TUSC3: variants seen among roughly 807,000 people sequenced by gnomAD.
TUSC3 encodes tumor suppressor candidate 3.
In TUSC3, 45 loss-of-function variants were observed where a neutral mutation model predicts 44.8. The observed-to-expected ratio is 1.00, with a 90% confidence interval of 0.79 to 1.29. TUSC3 has a LOEUF of 1.29. Among genes scored for constraint, TUSC3 ranks in the 50% most tolerant of loss-of-function variants. The pLI, the probability that TUSC3 is intolerant of heterozygous loss-of-function variation, is 0.00. For missense variants in TUSC3, 519 were observed against 437.9 expected (o/e 1.19, Z -1.65); for synonymous variants, 212 against 152.9 (o/e 1.39, Z -2.85).
chr8:15,843,680 T>C, the TUSC3 span, among the ~76,000 whole-genome samples: 176 of 151,590 alleles, frequency 1.2e-3, 1 homozygote, highest in African/African-American at 4.1e-3. Flanking sequence ...TATCTATATC[T>C]ATATGGTGTA....
chr8:15,650,897 C>G (rs1167993328), intron 3 of TUSC3, 83 bp downstream of exon 3: 1 of 1,413,920 alleles, frequency 7.1e-7, no homozygotes, highest in Non-Finnish European at 9.9e-7. Flanking sequence ...AAATACAATT[C>G]ATTCATCGTC....
At chr8:15,794,455 T>C in the TUSC3 span, among the ~76,000 whole-genome samples, 9 of 152,194 alleles carry the variant, frequency 5.9e-5, 1 homozygote, top group South Asian at 4.1e-4. Context: ...CTGGAACTTA[T>C]TGTCAAGTAC....
intron 1 of TUSC3, among the ~76,000 whole-genome samples, chr8:15,449,534 A>T (rs1024590547): frequency 1.3e-5 from 2 of 152,092 alleles, no homozygotes; most frequent in South Asian, 4.1e-4. Context: ...AGTTGGTTAA[A>T]ATCAGTGGTG....
chr8:15,775,662 A>G, the TUSC3 span, among the ~76,000 whole-genome samples: 12 of 146,524 alleles, frequency 8.2e-5, no homozygotes, highest in African/African-American at 3.0e-4. Context: ...ACACACATAT[A>G]CATATATACA....
chr8:15,611,164 AT>A (rs1201492368), intron 1 of TUSC3, among the ~76,000 whole-genome samples: 1 of 152,112 alleles, frequency 6.6e-6, no homozygotes, highest in African/African-American at 2.4e-5. Flanking sequence ...TGTATCAAAT[AT>A]TTCAAAGAAC....
chr8:15,720,853 C>T (rs955945180), intron 6 of TUSC3, among the ~76,000 whole-genome samples: 1 of 151,990 alleles, frequency 6.6e-6, no homozygotes, highest in Non-Finnish European at 1.5e-5. Context: ...AGATAATGAT[C>T]GAAGGGCAAT....
chr8:15,458,840 A>G (rs1199280270), intron 1 of TUSC3, among the ~76,000 whole-genome samples: 2 of 152,182 alleles, frequency 1.3e-5, no homozygotes, highest in Non-Finnish European at 2.9e-5. Flanking sequence ...GTTATATTGA[A>G]AAAGCTGTCT....
At chr8:15,679,771 T>C (rs1020800436) in intron 6 of TUSC3, among the ~76,000 whole-genome samples, 14 of 152,106 alleles carry the variant, frequency 9.2e-5, no homozygotes, top group Non-Finnish European at 2.1e-4. Flanking sequence ...TTTGTATATA[T>C]GGAAAGCTAG....
chr8:15,511,197 C>A (rs181999586), intron 2 of TUSC3, among the ~76,000 whole-genome samples: 1 of 151,882 alleles, frequency 6.6e-6, no homozygotes, highest in African/African-American at 2.4e-5. Flanking sequence ...TTCACTCTTA[C>A]TACTCCTATT....
chr8:15,685,040 C>T (rs1326967277), intron 6 of TUSC3, among the ~76,000 whole-genome samples: 1 of 152,194 alleles, frequency 6.6e-6, no homozygotes, highest in African/African-American at 2.4e-5. Flanking sequence ...GCTACAGCCA[C>T]TCAGTACAGC....
intron 1 of TUSC3, among the ~76,000 whole-genome samples, chr8:15,438,944 G>T (rs376973828): frequency 6.6e-6 from 1 of 152,128 alleles, no homozygotes; most frequent in Non-Finnish European, 1.5e-5. Flanking sequence ...GCAAGGAGAG[G>T]AATCTACAAA....
chr8:15,828,914 A>C, the TUSC3 span, among the ~76,000 whole-genome samples: 304 of 152,312 alleles, frequency 2.0e-3, 2 homozygotes, highest in African/African-American at 7.0e-3. Flanking sequence ...TTGGAGTGAA[A>C]GAAAATACAT....
chr8:15,504,621 A>ATATATATAT (rs1345504233), intron 2 of TUSC3, among the ~76,000 whole-genome samples: 1 of 20,298 alleles, frequency 4.9e-5, no homozygotes, highest in African/African-American at 2.0e-4. Context: ...ATATATATAT[A>ATATATATAT]TTTTTTTTTT....
chr8:15,672,050 T>C (rs1391981042), intron 5 of TUSC3, among the ~76,000 whole-genome samples: 1 of 152,014 alleles, frequency 6.6e-6, no homozygotes, highest in African/African-American at 2.4e-5. Context: ...AACCCTGTTT[T>C]AGAGATTGAC....
chr8:15,654,780 C>G (rs935284012), intron 3 of TUSC3, among the ~76,000 whole-genome samples: 3 of 151,878 alleles, frequency 2.0e-5, no homozygotes, highest in Non-Finnish European at 4.4e-5. Context: ...CTGGGTGACA[C>G]AGCAAGACTC....
chr8:15,604,347 T>G (rs1011864132), intron 1 of TUSC3, among the ~76,000 whole-genome samples: 1 of 151,646 alleles, frequency 6.6e-6, no homozygotes, highest in Non-Finnish European at 1.5e-5. Flanking sequence ...TTTAATTATT[T>G]ATGTTAGGAA....
intron 1 of TUSC3, among the ~76,000 whole-genome samples, chr8:15,593,409 A>G (rs1416324273): frequency 6.6e-6 from 1 of 152,180 alleles, no homozygotes; most frequent in African/African-American, 2.4e-5. Flanking sequence ...GCTTTTAAAC[A>G]ATGTTTATCA....
chr8:15,471,498 C>G (rs1800493408), intron 1 of TUSC3, among the ~76,000 whole-genome samples: 1 of 151,520 alleles, frequency 6.6e-6, no homozygotes, highest in Non-Finnish European at 1.5e-5. Flanking sequence ...TTCTTCATCT[C>G]TAAAATGAGA....
chr8:15,638,359 T>C (rs139722335), intron 2 of TUSC3, among the ~76,000 whole-genome samples: 39 of 152,282 alleles, frequency 2.6e-4, no homozygotes, highest in African/African-American at 8.9e-4. Flanking sequence ...TTATGCTTTT[T>C]GGAGAACTAC....
Sources: allele counts gnomAD v4.1 joint callset (sites outside exome capture counted in the v4.1 genomes callset), GRCh38; gene constraint gnomAD v4.1.1; transcripts MANE v1.5; gene names NCBI Gene and HGNC (gene_info 2026-07-23, HGNC 2026-07-21).